The following CEP112 variants were observed in gnomAD, a reference collection of about 807,000 sequenced individuals.
CEP112 encodes centrosomal protein 112.
CEP112 carries 127 observed loss-of-function variants against 153.0 expected under a neutral mutation model. That is an observed-to-expected ratio of 0.83 (90% CI 0.72 to 0.96). CEP112 has a LOEUF of 0.96. Among genes scored for constraint, CEP112 ranks in the 40% least tolerant of loss-of-function variants. The pLI is 0.00. For missense variants in CEP112, 1,089 were observed against 1,101.2 expected (o/e 0.99, Z 0.16); for synonymous variants, 358 against 374.4 (o/e 0.96, Z 0.51).
At chr17:65,655,604 T>G (rs75681498) in intron 24 of CEP112, among the ~76,000 whole-genome samples, 2,328 of 152,346 alleles carry the variant, frequency 0.015, 49 homozygotes, top group African/African-American at 0.053. Context: ...TATCCTTGCT[T>G]CTTTTCTGAT....
intron 24 of CEP112, among the ~76,000 whole-genome samples, chr17:65,653,369 G>C (rs759810471): frequency 6.6e-6 from 1 of 152,202 alleles, no homozygotes; most frequent in African/African-American, 2.4e-5. Flanking sequence ...TCTACTCCTT[G>C]TGGATTATTC....
At chr17:66,026,715 T>C (rs945818039) in intron 16 of CEP112, among the ~76,000 whole-genome samples, 2 of 152,196 alleles carry the variant, frequency 1.3e-5, no homozygotes, top group African/African-American at 4.8e-5. Context: ...GCATATAACC[T>C]ACACACATCC....
At chr17:66,042,553 C>A (rs1437105077) in intron 12 of CEP112, among the ~76,000 whole-genome samples, 1 of 151,810 alleles carries the variant, frequency 6.6e-6, no homozygotes, top group Non-Finnish European at 1.5e-5. Flanking sequence ...TGATAAAAAA[C>A]AGGGACAGTC....
At chr17:65,752,378 G>T (rs2051933804) in intron 21 of CEP112, among the ~76,000 whole-genome samples, 1 of 152,156 alleles carries the variant, frequency 6.6e-6, no homozygotes, top group Non-Finnish European at 1.5e-5. Flanking sequence ...CATCTGACTG[G>T]ATTTCCCTCT....
intron 20 of CEP112, among the ~76,000 whole-genome samples, chr17:65,859,497 C>T (rs2058235552): frequency 6.7e-6 from 1 of 148,438 alleles, no homozygotes; most frequent in South Asian, 2.1e-4. Flanking sequence ...TATCTGAATA[C>T]ACAGAAAAAC....
chr17:65,679,129 CTTTTT>C (rs57907674), intron 24 of CEP112, among the ~76,000 whole-genome samples: 1 of 31,628 alleles, frequency 3.2e-5, no homozygotes. Context: ...GTGGTTCAAG[CTTTTT>C]TTTTTTTTTT....
At chr17:65,805,219 A>G (rs1384503597) in intron 21 of CEP112, among the ~76,000 whole-genome samples, 4 of 152,126 alleles carry the variant, frequency 2.6e-5, no homozygotes, top group Non-Finnish European at 2.9e-5. Context: ...CATGTGTTTT[A>G]TGATATTTTA....
chr17:65,959,327 G>T (rs1425765811), intron 18 of CEP112, among the ~76,000 whole-genome samples: 1 of 152,326 alleles, frequency 6.6e-6, no homozygotes, highest in Non-Finnish European at 1.5e-5. Flanking sequence ...GCTGCAGAAA[G>T]GAGCTACCCA....
intron 4 of CEP112, among the ~76,000 whole-genome samples, chr17:66,157,729 G>C (rs930977438): frequency 6.6e-6 from 1 of 150,602 alleles, no homozygotes; most frequent in Non-Finnish European, 1.5e-5. Context: ...AAAAGCAGGG[G>C]TTGCAATCCT....
In CEP112 at chr17:66,175,393, A is replaced by G. The variant is rs1598496751; in HGVS notation, c.298-177T>C. Among the ~76,000 whole-genome samples the G allele has an allele frequency of 3.9e-5, 6 of 152,372 alleles. No homozygotes were observed. In the South Asian group the frequency reaches 1.2e-3, roughly 32 times the overall value. On this transcript the variant is annotated intron_variant, in intron 3 of 26. Coordinates refer to ENST00000535342, the MANE Select transcript of CEP112 (RefSeq NM_001199165.4). ...ATGAGATATTAAAATACATTAAGTG[A>G]TAACATATTTACATTTTAGTTGCAC...
At chr17:66,174,665 G>T (rs1369610917) in intron 4 of CEP112, among the ~76,000 whole-genome samples, 1 of 152,018 alleles carries the variant, frequency 6.6e-6, no homozygotes, top group Non-Finnish European at 1.5e-5. Flanking sequence ...TAATACTCTA[G>T]TAAGAAAGCA....
In CEP112 at chr17:65,771,990, C is replaced by A. The variant is rs189513753; in HGVS notation, c.2395-21266G>T. 2.0e-4 allele frequency among the ~76,000 whole-genome samples: 31 copies of A among 151,704 alleles called. No individual in the cohort carries two copies. In the East Asian group the frequency reaches 5.4e-3, roughly 27 times the overall value. The stretch of plus-strand genomic sequence containing the variant: ...TGAGCTGTGATAGTGGCACTGCTCT[C>A]CAGCCTGGGCAACACAGCAAGACCC... On this transcript the variant is annotated intron_variant, in intron 21 of 26. Transcript: ENST00000535342.
intron 23 of CEP112, among the ~76,000 whole-genome samples, chr17:65,693,768 C>T (rs1354820100): frequency 2.6e-5 from 4 of 152,090 alleles, no homozygotes; most frequent in Non-Finnish European, 5.9e-5. Context: ...CCTCCAAATT[C>T]GTATGTTGAA....
intron 24 of CEP112, among the ~76,000 whole-genome samples, chr17:65,662,995 C>A (rs182682760): frequency 2.0e-4 from 30 of 152,258 alleles, no homozygotes; most frequent in Non-Finnish European, 3.8e-4. Context: ...CAATTTCATT[C>A]CCTCTCTTTA....
intron 12 of CEP112, among the ~76,000 whole-genome samples, chr17:66,035,010 T>TATA (rs1568411629): frequency 1.3e-4 from 9 of 69,384 alleles, no homozygotes; most frequent in African/African-American, 4.5e-4. Flanking sequence ...ATATATATAT[T>TATA]TTTTTTTTTA....
At chr17:65,985,448 T>C (rs1450230209) in intron 17 of CEP112, among the ~76,000 whole-genome samples, 1 of 152,144 alleles carries the variant, frequency 6.6e-6, no homozygotes, top group Non-Finnish European at 1.5e-5. Flanking sequence ...ATCTAACTAG[T>C]GGTGGATGAC....
chr17:65,830,879 G>A (rs1477441141), intron 21 of CEP112, among the ~76,000 whole-genome samples: 2 of 152,170 alleles, frequency 1.3e-5, no homozygotes, highest in African/African-American at 4.8e-5. Context: ...GTGGCAGGCA[G>A]TGATTTTGTT....
At chr17:66,030,328 T>C (rs2065409855) in intron 12 of CEP112, among the ~76,000 whole-genome samples, 1 of 152,234 alleles carries the variant, frequency 6.6e-6, no homozygotes, top group African/African-American at 2.4e-5. Flanking sequence ...ACAAAGTTCC[T>C]ATCCTCAGGA....
In CEP112 at chr17:66,053,686, A is replaced by G. The variant is rs1255766280; in HGVS notation, c.1218+50T>C. The G allele has an allele frequency of 1.9e-6, 3 of 1,568,314 alleles. No individual in the cohort carries two copies. The South Asian group carries it at 3.5e-5, about 19-fold the overall frequency. ...ACATCAGGGAAACATGAGGACATGG[A>G]AATTGAGAAGACAGGTTCTAAGATG... On this transcript the variant is annotated intron_variant, in intron 12 of 26. Coordinates refer to ENST00000535342, the MANE Select transcript of CEP112 (RefSeq NM_001199165.4).
Sources: gnomAD v4.1 joint callset for allele counts (sites outside exome capture counted in the v4.1 genomes callset) on GRCh38, gnomAD v4.1.1 for gene constraint, MANE v1.5 for transcripts, NCBI Gene and HGNC (gene_info 2026-07-23, HGNC 2026-07-21) for gene names.